The following ZNF423 variants were observed in gnomAD, a reference collection of about 807,000 sequenced individuals.
ZNF423 encodes Ebf-associated zinc finger protein.
ZNF423 carries 12 observed loss-of-function variants against 95.8 expected under a neutral mutation model. The observed-to-expected ratio is 0.13, with a 90% CI of 0.08 to 0.20. The LOEUF (loss-of-function observed/expected upper bound fraction) is 0.20, where lower values mean the gene tolerates loss of function less well. ZNF423 is among the 10% of genes least tolerant of loss of function. The pLI, the probability that ZNF423 is intolerant of heterozygous loss-of-function variation, is 1.00. For synonymous variants in ZNF423, 749 were observed against 711.9 expected (o/e 1.05, Z -0.83); for missense variants, 1,316 against 1,737.1 (o/e 0.76, Z 4.31).
chr16:49,725,710 C>T (rs980910058), intron 3 of ZNF423, among the ~76,000 whole-genome samples: 11 of 152,148 alleles, frequency 7.2e-5, no homozygotes, highest in African/African-American at 1.7e-4. Flanking sequence ...CATAGTGCCT[C>T]GCGGGCAGTA....
chr16:49,791,182 C>A (rs993438898), intron 1 of ZNF423, among the ~76,000 whole-genome samples: 4 of 152,170 alleles, frequency 2.6e-5, no homozygotes, highest in Non-Finnish European at 5.9e-5. Flanking sequence ...AGTGGACAGG[C>A]AGGATCAAGA....
intron 5 of ZNF423, among the ~76,000 whole-genome samples, chr16:49,562,221 A>G (rs1970039591): frequency 1.3e-5 from 2 of 152,224 alleles, no homozygotes; most frequent in Admixed American, 6.5e-5. Flanking sequence ...AAAAACACCA[A>G]AGAATTAGCT....
chr16:49,775,021 C>G (rs1394050929), intron 2 of ZNF423, among the ~76,000 whole-genome samples: 2 of 152,142 alleles, frequency 1.3e-5, no homozygotes, highest in Non-Finnish European at 2.9e-5. Context: ...CAGCAGCTGC[C>G]CCACCAGCCC....
chr16:49,790,473 C>T (rs77007642), intron 1 of ZNF423, among the ~76,000 whole-genome samples: 3,698 of 152,304 alleles, frequency 0.024, 145 homozygotes, highest in African/African-American at 0.085. Flanking sequence ...GTGAGAGCCA[C>T]GAAGAGTTTG....
At chr16:49,832,970 A>C (rs2035076993) in intron 1 of ZNF423, among the ~76,000 whole-genome samples, 1 of 152,246 alleles carries the variant, frequency 6.6e-6, no homozygotes, top group African/African-American at 2.4e-5. Context: ...AGCGCAAGCC[A>C]ATCAAAACAC....
chr16:49,702,909 G>GCGCA (rs1481310854), intron 3 of ZNF423, among the ~76,000 whole-genome samples: 8 of 147,534 alleles, frequency 5.4e-5, no homozygotes, highest in Admixed American at 2.0e-4. Flanking sequence ...GTGTGCACAC[G>GCGCA]CACACACACA....
chr16:49,622,312 C>T (rs1972108246), intron 5 of ZNF423, among the ~76,000 whole-genome samples: 1 of 152,130 alleles, frequency 6.6e-6, no homozygotes, highest in Non-Finnish European at 1.5e-5. Flanking sequence ...AACCCCTCCA[C>T]TTGGTATCGG....
intron 5 of ZNF423, among the ~76,000 whole-genome samples, chr16:49,618,412 C>A (rs1452939629): frequency 6.6e-6 from 1 of 152,142 alleles, no homozygotes; most frequent in African/African-American, 2.4e-5. Flanking sequence ...GACCTGTAAT[C>A]CCCACGTGTC....
intron 1 of ZNF423, among the ~76,000 whole-genome samples, chr16:49,819,419 T>G (rs564821937): frequency 1.3e-5 from 2 of 151,992 alleles, no homozygotes; most frequent in Admixed American, 6.6e-5. Flanking sequence ...CTAGAGCACA[T>G]GTTACTGTTA....
intron 5 of ZNF423, among the ~76,000 whole-genome samples, chr16:49,602,050 T>C (rs1166054086): frequency 2.0e-5 from 3 of 152,220 alleles, no homozygotes; most frequent in Non-Finnish European, 4.4e-5. Context: ...TGCTCAATTA[T>C]TGTTTGGGTG....
rs1388234529 is a variant in ZNF423 at position 49,815,892 on chromosome 16, ATATATATATATATATATATATATTTTTTT to A, written c.41-26375_41-26347del. On this transcript the variant is annotated intron_variant, in intron 1 of 7. Coordinates refer to ENST00000563137, the MANE Select transcript of ZNF423 (RefSeq NM_001379286.1). ...AAACAAAAAAAAAAAATATATATAT[ATATATATATATATATATATATATTTTTTT>A]TTTTTTTTTTTTTTTGAGACAAAGT... 2.2e-4 allele frequency among the ~76,000 whole-genome samples: 9 copies of A among 41,078 alleles called. 1 individual carries two copies. Among genetic ancestry groups the A allele is most frequent in the South Asian group, 2.1e-3 (2 of 948 alleles). 26.9% of individuals were successfully genotyped at this position (41,078 alleles called of 152,430 possible).
intron 5 of ZNF423, among the ~76,000 whole-genome samples, chr16:49,525,762 T>G (rs1182105148): frequency 2.0e-5 from 3 of 152,134 alleles, no homozygotes; most frequent in African/African-American, 7.2e-5. Context: ...CAGCCAGGTG[T>G]GCAGGCCATG....
chr16:49,783,413 A>G (rs1455148420), intron 2 of ZNF423, among the ~76,000 whole-genome samples: 12 of 33,714 alleles, frequency 3.6e-4, no homozygotes, highest in East Asian at 1.9e-3. Flanking sequence ...TTAGGGTTAG[A>G]GTAGGGTTAG....
chr16:49,763,986 A>G (rs942879051), intron 2 of ZNF423, among the ~76,000 whole-genome samples: 4 of 152,160 alleles, frequency 2.6e-5, no homozygotes, highest in African/African-American at 9.7e-5. Context: ...AGAAAGTCTC[A>G]CGGCTGAGGC....
chr16:49,530,106 T>C (rs1432866269), intron 5 of ZNF423, among the ~76,000 whole-genome samples: 1 of 152,200 alleles, frequency 6.6e-6, no homozygotes, highest in Non-Finnish European at 1.5e-5. Context: ...CTGTGTGGAC[T>C]GGAGTAAGTT....
In ZNF423 at chr16:49,636,670, C is replaced by T; in HGVS notation, c.2506G>A (p.Glu836Lys). 6.2e-7 allele frequency: 1 copy of T among 1,614,098 alleles called. No homozygotes were observed. Among genetic ancestry groups the T allele is most frequent in the African/African-American group, 1.3e-5 (1 of 75,040 alleles). Residue 836 changes from glutamate to lysine, a missense_variant, in exon 4 of 8, where the codon GAG (glutamate) becomes AAG (lysine). Transcript: ENST00000563137. The surrounding 1 kb of genome is among the most constrained non-coding windows in gnomAD (Gnocchi z 8.6). ...AIILLEKHLREKHCVFDAATE... is the reference protein window; with the variant it reads ...AIILLEKHLRKKHCVFDAATE... Reference sequence around the variant, plus strand: ...GCAGCATCAAACACACAGTGCTTCTCCCGCAGGTGCTTCTCCAGCAGGATG... The same window carrying T: ...GCAGCATCAAACACACAGTGCTTCTTCCGCAGGTGCTTCTCCAGCAGGATG...
intron 1 of ZNF423, among the ~76,000 whole-genome samples, chr16:49,801,201 T>C (rs1225876667): frequency 6.6e-6 from 1 of 152,214 alleles, no homozygotes; most frequent in Non-Finnish European, 1.5e-5. Context: ...CCTGCCTCTC[T>C]GTGCTGGTCC....
intron 3 of ZNF423, among the ~76,000 whole-genome samples, chr16:49,714,958 C>T (rs2032659762): frequency 6.6e-6 from 1 of 152,044 alleles, no homozygotes; most frequent in Non-Finnish European, 1.5e-5. Flanking sequence ...GAGGGGAAGG[C>T]TTCTTTCCAG....
intron 5 of ZNF423, among the ~76,000 whole-genome samples, chr16:49,546,737 C>A (rs993961275): frequency 9.2e-5 from 14 of 152,166 alleles, no homozygotes; most frequent in African/African-American, 3.1e-4. Flanking sequence ...ATTCCCTGCA[C>A]TTCTTATCAG....
Sources: gnomAD v4.1 joint callset for allele counts (sites outside exome capture counted in the v4.1 genomes callset) on GRCh38, gnomAD v4.1.1 for gene constraint, Gnocchi (gnomAD v3.1) non-coding constraint, MANE v1.5 for transcripts, NCBI Gene and HGNC (gene_info 2026-07-23, HGNC 2026-07-21) for gene names.